The following LAMB4 variants were observed in gnomAD, a reference collection of about 807,000 sequenced individuals.
LAMB4 encodes laminin subunit beta-4.
In LAMB4, 196 loss-of-function variants were observed where a neutral mutation model predicts 199.2. That is an observed-to-expected ratio of 0.98 (90% confidence interval 0.88 to 1.11). LAMB4 has a LOEUF of 1.11. Among genes scored for constraint, LAMB4 ranks in the 50% least tolerant of loss-of-function variants. LAMB4 has a pLI of 0.00. For missense variants in LAMB4, 2,080 were observed against 2,171.2 expected (o/e 0.96, Z 0.83); for synonymous variants, 744 against 770.6 (o/e 0.97, Z 0.57).
At chr7:108,102,825 C>T (rs1584756671) in intron 10 of LAMB4, among the ~76,000 whole-genome samples, 2 of 152,186 alleles carry the variant, frequency 1.3e-5, no homozygotes, top group Non-Finnish European at 1.5e-5. Context: ...TGGAATCCTG[C>T]ATAATTTCCC....
chr7:108,069,672 C>T (rs1461173538), intron 18 of LAMB4, 36 bp downstream of exon 18: 1 of 1,573,128 alleles, frequency 6.4e-7, no homozygotes, highest in Non-Finnish European at 8.7e-7. Flanking sequence ...GTATGGATGT[C>T]AGTGCCTCAG....
chr7:108,033,744 T>TC (rs1228977244), intron 31 of LAMB4, among the ~76,000 whole-genome samples: 1 of 151,276 alleles, frequency 6.6e-6, no homozygotes, highest in Non-Finnish European at 1.5e-5. Context: ...TATTTTTTTT[T>TC]TTTTTTTTTT....
At chr7:108,103,360 T>C in intron 9 of LAMB4, 128 bp from the exon 10 acceptor site, 1 of 709,688 alleles carries the variant, frequency 1.4e-6, no homozygotes, top group Non-Finnish European at 2.2e-6. Context: ...TTTGTATAGA[T>C]GCACCAAGCA....
intron 11 of LAMB4, among the ~76,000 whole-genome samples, chr7:108,095,654 C>G (rs1224034195): frequency 6.6e-6 from 1 of 152,174 alleles, no homozygotes; most frequent in Non-Finnish European, 1.5e-5. Context: ...AGGCTGGTGA[C>G]TCAGAGGCAG....
chr7:108,048,870 T>C (rs560519396), intron 27 of LAMB4, among the ~76,000 whole-genome samples: 1 of 152,234 alleles, frequency 6.6e-6, no homozygotes, highest in South Asian at 2.1e-4. Context: ...TTTTTGTTTT[T>C]TGTAGAGACG....
At chr7:108,037,672 T>C in intron 29 of LAMB4, 77 bp from the exon 30 acceptor site, 1 of 1,096,648 alleles carries the variant, frequency 9.1e-7, no homozygotes, top group Non-Finnish European at 1.4e-6. Flanking sequence ...ACCACAATGA[T>C]GTCTCAGCCA....
intron 23 of LAMB4, among the ~76,000 whole-genome samples, chr7:108,062,082 A>G (rs564030355): frequency 2.6e-5 from 4 of 152,252 alleles, no homozygotes; most frequent in Non-Finnish European, 4.4e-5. Flanking sequence ...AGATTAAGCC[A>G]AAAGACAAAA....
chr7:108,091,979 G>A (rs1347290524), intron 13 of LAMB4, among the ~76,000 whole-genome samples: 1 of 152,048 alleles, frequency 6.6e-6, no homozygotes, highest in Non-Finnish European at 1.5e-5. Flanking sequence ...GAGCCCAGGC[G>A]GCCACTTTCC....
intron 4 of LAMB4, among the ~76,000 whole-genome samples, chr7:108,110,448 G>T (rs2038182124): frequency 6.6e-6 from 1 of 152,192 alleles, no homozygotes; most frequent in Non-Finnish European, 1.5e-5. Flanking sequence ...CTGCTCACAC[G>T]GGACAGTATG....
chr7:108,024,580 C>CA (rs2034767614), intron 33 of LAMB4, among the ~76,000 whole-genome samples: 1 of 152,156 alleles, frequency 6.6e-6, no homozygotes, highest in African/African-American at 2.4e-5. Flanking sequence ...GACTGACTTT[C>CA]ATGTGTTGAT....
intron 11 of LAMB4, 45 bp from the exon 12 acceptor site, chr7:108,095,382 A>G (rs2037558529): frequency 1.4e-6 from 2 of 1,392,822 alleles, no homozygotes; most frequent in Non-Finnish European, 2.0e-6. Flanking sequence ...TAATTCCTCC[A>G]CTCTTGCAAG....
chr7:108,064,074 G>A, intron 21 of LAMB4, 89 bp from the exon 22 acceptor site: 1 of 898,070 alleles, frequency 1.1e-6, no homozygotes, highest in South Asian at 1.4e-5. Flanking sequence ...AAAATTATTG[G>A]GCTCCTCTAG....
intron 16 of LAMB4, among the ~76,000 whole-genome samples, chr7:108,077,719 A>G (rs550443721): frequency 1.3e-5 from 2 of 152,290 alleles, no homozygotes; most frequent in South Asian, 2.1e-4. Flanking sequence ...TTTTGCCACA[A>G]GTTTCTGCTG....
At chr7:108,026,018 C>T (rs1022444397) in intron 33 of LAMB4, among the ~76,000 whole-genome samples, 6 of 152,122 alleles carry the variant, frequency 3.9e-5, no homozygotes, top group South Asian at 2.1e-4. Context: ...CAGTTCAGCA[C>T]GGAGGTGTAT....
intron 29 of LAMB4, among the ~76,000 whole-genome samples, chr7:108,043,543 A>ACGTTTTTTTT (rs2035494886): frequency 1.7e-5 from 1 of 59,694 alleles, no homozygotes; most frequent in South Asian, 5.2e-4. Flanking sequence ...ACTGGCTATG[A>ACGTTTTTTTT]TGTTTTTTTT....
rs951148297 is a variant in LAMB4, at chr7:108,052,315, GA to G, written c.3756-59del. 103 of 1,358,214 alleles carry G rather than the reference GA, an allele frequency of 7.6e-5. 2 individuals are homozygous for G. In the Admixed American group the frequency reaches 2.4e-3, roughly 31 times the overall value. 84.1% of individuals were successfully genotyped at this position (1,358,214 alleles called of 1,614,324 possible). A position where few individuals can be genotyped will look rare whatever the true frequency, so the allele number is the denominator to read the frequency against. ...CTTGTATTACATTTGATATATTGGTGAAAAAAATGCCACCAAAATTGCCCTC... is the reference window on the plus strand; with the variant it reads ...CTTGTATTACATTTGATATATTGGTGAAAAAATGCCACCAAAATTGCCCTC... On this transcript the variant is annotated intron_variant, in intron 25 of 33. Transcript: ENST00000388781.
At position 108,037,570 on chromosome 7, in the gene LAMB4, G is replaced by A. The variant is rs768500048; in HGVS notation, c.4497C>T (p.Ile1499=). ...CAAGCACACCATTCGCAACCTTCTC[G>A]ATGTCTTCTGGAGGCACGTTTTCCT... ...LLEENVPPED[I]EKVANGVLDI... The change falls in exon 30 of 34, where the codon ATC becomes ATT. Residue 1499 remains isoleucine, a synonymous_variant. Transcript: ENST00000388781. The A allele has an allele frequency of 1.9e-6, 3 of 1,614,088 alleles. No individual in the cohort carries two copies. The highest frequency in any genetic ancestry group is 2.5e-6 in the Non-Finnish European group (3 of 1,179,960).
At chr7:108,087,776 T>C (rs1488454346) in intron 14 of LAMB4, among the ~76,000 whole-genome samples, 1 of 152,234 alleles carries the variant, frequency 6.6e-6, no homozygotes, top group Non-Finnish European at 1.5e-5. Context: ...GAATTCACAG[T>C]GTTCAACTCT....
intron 29 of LAMB4, among the ~76,000 whole-genome samples, chr7:108,041,543 C>T (rs115396133): frequency 3.1e-3 from 472 of 152,298 alleles, no homozygotes; most frequent in African/African-American, 0.011. Flanking sequence ...TGTACATATA[C>T]GCCATGGATA....
Sources: gnomAD v4.1 joint callset for allele counts (sites outside exome capture counted in the v4.1 genomes callset) on GRCh38, gnomAD v4.1.1 for gene constraint, MANE v1.5 for transcripts, NCBI Gene and HGNC (gene_info 2026-07-23, HGNC 2026-07-21) for gene names.